Variants in PRRC1 observed in about 807,000 individuals in gnomAD.
PRRC1 encodes proline rich coiled-coil 1, also known as protein PRRC1.
PRRC1 carries 39 observed loss-of-function variants against 40.7 expected under a neutral mutation model. The observed-to-expected ratio is 0.96, with a 90% CI of 0.74 to 1.25. The LOEUF (loss-of-function observed/expected upper bound fraction) is 1.25. Among genes scored for constraint, PRRC1 ranks in the 50% most tolerant of loss-of-function variants. The probability of loss-of-function intolerance (pLI) is 0.00; values close to 1 mark genes in which losing one functional copy is unlikely to be tolerated. For missense variants in PRRC1, 573 were observed against 548.3 expected (o/e 1.05, Z -0.45); for synonymous variants, 175 against 193.3 (o/e 0.91, Z 0.79).
chr5:127,526,028 T>TC (rs1236929821), intron 3 of PRRC1, among the ~76,000 whole-genome samples: 1 of 152,206 alleles, frequency 6.6e-6, no homozygotes, highest in Non-Finnish European at 1.5e-5. Flanking sequence ...CTACTTGTTT[T>TC]GTTTCTTTGG....
At chr5:127,549,842 A>G (rs939548023) in intron 8 of PRRC1, 2 of 152,156 alleles carry the variant, frequency 1.3e-5, no homozygotes, top group Admixed American at 6.5e-5. Context: ...AAAGCCTAAA[A>G]TATTTACCAT....
intron 1 of PRRC1, among the ~76,000 whole-genome samples, chr5:127,518,421 T>G (rs1767372259): frequency 6.6e-6 from 1 of 152,266 alleles, no homozygotes; most frequent in Non-Finnish European, 1.5e-5. Flanking sequence ...GCACGTTTCC[T>G]AGATTGACAG....
intron 6 of PRRC1, among the ~76,000 whole-genome samples, chr5:127,536,121 C>T (rs1767894546): frequency 6.6e-6 from 1 of 152,050 alleles, no homozygotes; most frequent in Non-Finnish European, 1.5e-5. Flanking sequence ...ACACACAGAG[C>T]AAAGCTGCCA....
At chr5:127,534,197 C>G (rs1333411225) in intron 6 of PRRC1, among the ~76,000 whole-genome samples, 1 of 152,018 alleles carries the variant, frequency 6.6e-6, no homozygotes, top group Non-Finnish European at 1.5e-5. Flanking sequence ...ATTTTCCTCT[C>G]TTTGTGTTAT....
chr5:127,543,625 A>C (rs1325514521), intron 7 of PRRC1, among the ~76,000 whole-genome samples: 2 of 151,838 alleles, frequency 1.3e-5, no homozygotes, highest in Non-Finnish European at 2.9e-5. Flanking sequence ...CATTCATTTC[A>C]TCTTCCATCA....
intron 8 of PRRC1, 126 bp downstream of exon 8, chr5:127,548,047 T>A: frequency 1.3e-6 from 1 of 748,910 alleles, no homozygotes; most frequent in Non-Finnish European, 2.4e-6. Context: ...CATTTTTCTT[T>A]TAGTATTTTT....
At chr5:127,523,734 A>G (rs1321587635) in intron 2 of PRRC1, 152 bp downstream of exon 2, 7 of 455,752 alleles carry the variant, frequency 1.5e-5, no homozygotes, top group Admixed American at 1.2e-4. Flanking sequence ...TTTAAAGAAT[A>G]GAAAGAAAGT....
At chr5:127,542,589 T>C (rs1768079580) in intron 7 of PRRC1, among the ~76,000 whole-genome samples, 1 of 151,418 alleles carries the variant, frequency 6.6e-6, no homozygotes, top group Non-Finnish European at 1.5e-5. Flanking sequence ...TTAGGATAGT[T>C]AGCTCTTCTT....
chr5:127,538,152 C>T lies in PRRC1; in HGVS notation c.922-888C>T, dbSNP rs116420162. ...AGCTAGTATCTTAAATTGTCTTACACGTTCTCGCACAGTTGTCACTTTCTC... is the reference window on the plus strand; with the variant it reads ...AGCTAGTATCTTAAATTGTCTTACATGTTCTCGCACAGTTGTCACTTTCTC... On this transcript the variant is annotated intron_variant, in intron 6 of 8. Coordinates refer to ENST00000296666, the MANE Select transcript of PRRC1 (RefSeq NM_130809.5). Among the ~76,000 whole-genome samples, 1,408 of 152,080 alleles carry T rather than the reference C, an allele frequency of 9.3e-3. 15 individuals carry two copies. The highest frequency in any genetic ancestry group is 0.03 in the East Asian group (155 of 5,186).
chr5:127,551,457 C>T (rs1768378741), intron 8 of PRRC1: 4 of 437,360 alleles, frequency 9.1e-6, no homozygotes, highest in Non-Finnish European at 1.7e-5. Context: ...TAATTTAGAA[C>T]TAGAACTCAA....
chr5:127,522,316 T>C (rs1489926897), intron 1 of PRRC1, among the ~76,000 whole-genome samples: 1 of 152,236 alleles, frequency 6.6e-6, no homozygotes, highest in Non-Finnish European at 1.5e-5. Context: ...AGATATACAA[T>C]TTATCTGTTA....
In PRRC1 at chr5:127,524,898, A is replaced by G. The variant is rs1021184452; in HGVS notation, c.471A>G (p.Ser157=). The G allele has an allele frequency of 5.6e-6, 9 of 1,606,794 alleles. No homozygotes were observed. Among genetic ancestry groups the G allele is most frequent in the Non-Finnish European group, 7.7e-6 (9 of 1,175,162 alleles). Residue 157 remains serine, a synonymous_variant, in exon 3 of 9, where the codon TCA becomes TCG. Coordinates refer to ENST00000296666, the MANE Select transcript of PRRC1 (RefSeq NM_130809.5). ...GRAPQTPLMP[S]FSAPSGTGLL... is the part of the protein sequence containing the mutation. ...CTCCCCAGACACCCCTGATGCCATC[A>G]TTTTCTGCACCTTCAGGAACAGGTA...
chr5:127,550,054 C>A (rs1316926480), intron 8 of PRRC1: 1 of 150,982 alleles, frequency 6.6e-6, no homozygotes, highest in African/African-American at 2.4e-5. Context: ...CTAGTATGAT[C>A]CCATTTACTA....
chr5:127,551,772 A>G lies in PRRC1; in HGVS notation c.1194A>G (p.Glu398=). 1.2e-6 allele frequency: 2 copies of G among 1,614,130 alleles called. No individual in the cohort carries two copies. Among genetic ancestry groups the G allele is most frequent in the Non-Finnish European group, 1.7e-6 (2 of 1,180,004 alleles). ...CAGGCCTTTTGGTGACAGTGGGTGA[A>G]GTCCTGGAAAAGAGTTTACTGAATG... ...RWSGLLVTVG[E]VLEKSLLNVS... is the part of the protein sequence containing the mutation. The change falls in exon 9 of 9, where the codon GAA becomes GAG. Residue 398 remains glutamate, a synonymous_variant. Coordinates refer to ENST00000296666, the MANE Select transcript of PRRC1 (RefSeq NM_130809.5).
intron 8 of PRRC1, chr5:127,551,456 A>G (rs1214489624): frequency 4.6e-6 from 2 of 439,186 alleles, no homozygotes; most frequent in Non-Finnish European, 8.3e-6. Context: ...TTAATTTAGA[A>G]CTAGAACTCA....
In PRRC1 at chr5:127,533,775, G is replaced by C. The variant is rs1767832164; in HGVS notation, c.910G>C (p.Ala304Pro). 4 of 1,614,032 alleles carry C rather than the reference G, an allele frequency of 2.5e-6. No individual in the cohort carries two copies. In the African/African-American group the frequency reaches 5.3e-5, roughly 22 times the overall value. Residue 304 changes from alanine to proline, a missense_variant, in exon 6 of 9, where the codon GCT (alanine) becomes CCT (proline). Transcript: ENST00000296666. ...TGCCCCACAACCAGTGGGCTATGCAGCTGGATTAAAAGTGAGTAACAGAAC... is the reference window on the plus strand; with the variant it reads ...TGCCCCACAACCAGTGGGCTATGCACCTGGATTAAAAGTGAGTAACAGAAC... ...NIAPQPVGYAAGLKGAQERID... is the reference protein window; with the variant it reads ...NIAPQPVGYAPGLKGAQERID...
At chr5:127,533,559 G>A (rs1767826343) in intron 5 of PRRC1, 64 bp from the exon 6 acceptor site, 7 of 1,335,342 alleles carry the variant, frequency 5.2e-6, no homozygotes. Context: ...CACCTGGTAT[G>A]GTAGTAATTA....
chr5:127,544,907 G>C (rs976427598), intron 7 of PRRC1, among the ~76,000 whole-genome samples: 1 of 152,192 alleles, frequency 6.6e-6, no homozygotes, highest in Non-Finnish European at 1.5e-5. Flanking sequence ...CCCACTGTCT[G>C]GCACTCCCTA....
intron 7 of PRRC1, among the ~76,000 whole-genome samples, chr5:127,544,273 G>A (rs1267229482): frequency 1.3e-5 from 2 of 152,222 alleles, no homozygotes; most frequent in African/African-American, 2.4e-5. Context: ...CGTGTGAGGT[G>A]TCAGTCTGAC....
Sources: allele counts gnomAD v4.1 joint callset (sites outside exome capture counted in the v4.1 genomes callset), GRCh38; gene constraint gnomAD v4.1.1; transcripts MANE v1.5; gene names NCBI Gene and HGNC (gene_info 2026-07-23, HGNC 2026-07-21).